TBC1D14: variants seen among roughly 807,000 people sequenced by gnomAD.
TBC1D14 encodes the protein TBC1 domain family member 14.
A neutral mutation model predicts 79.0 loss-of-function variants in TBC1D14; 26 were observed. The ratio of observed to expected loss-of-function variants is 0.33; its 90% CI spans 0.24 to 0.46. TBC1D14 has a LOEUF of 0.46. Among genes scored for constraint, TBC1D14 ranks in the 20% least tolerant of loss-of-function variants. The probability of loss-of-function intolerance (pLI) is 1.00; values close to 1 mark genes in which losing one functional copy is unlikely to be tolerated. For missense variants in TBC1D14, 769 were observed against 887.6 expected (o/e 0.87, Z 1.70); for synonymous variants, 394 against 349.9 (o/e 1.13, Z -1.40).
At chr4:6,966,524 T>A (rs746216234) in intron 2 of TBC1D14, among the ~76,000 whole-genome samples, 2 of 152,238 alleles carry the variant, frequency 1.3e-5, no homozygotes, top group Non-Finnish European at 2.9e-5. Context: ...AGGGGTTACG[T>A]ACTAAAGCAG....
intron 2 of TBC1D14, among the ~76,000 whole-genome samples, chr4:6,929,738 G>A (rs956840348): frequency 6.6e-6 from 1 of 152,232 alleles, no homozygotes; most frequent in Non-Finnish European, 1.5e-5. Flanking sequence ...AGTCTGCACA[G>A]GAGCGGATGG....
chr4:6,996,494 T>C (rs1719055733), intron 5 of TBC1D14, 87 bp downstream of exon 5: 16 of 1,019,156 alleles, frequency 1.6e-5, no homozygotes, highest in Non-Finnish European at 2.2e-5. Context: ...TTTGGAGTCA[T>C]AGAACCTGAA....
rs752462974 is a variant in TBC1D14, at chr4:6,967,300, A to G, written c.723-4A>G. ...GCCCTAACCTTGTTATTTTCTTCCTATAGGAACTTGCTTGCTAGAAAACAA... is the reference window on the plus strand; with the variant it reads ...GCCCTAACCTTGTTATTTTCTTCCTGTAGGAACTTGCTTGCTAGAAAACAA... On this transcript the variant is annotated splice_polypyrimidine_tract_variant and splice_region_variant and intron_variant, in intron 2 of 13. Transcript: ENST00000409757. The G allele has an allele frequency of 1.7e-5, 27 of 1,613,232 alleles. No homozygotes were observed. The highest frequency in any genetic ancestry group is 7.7e-5 in the South Asian group (7 of 91,066).
chr4:7,014,549 A>C lies in TBC1D14; in HGVS notation c.1749A>C (p.Leu583=), dbSNP rs763720988. Residue 583 remains leucine (L), a synonymous_variant, in exon 12 of 14, where the codon CTA becomes CTC. Coordinates refer to ENST00000409757, the MANE Select transcript of TBC1D14 (RefSeq NM_020773.3). ...ACAACCTAACTCCAGATATCTACCT[A>C]ATTGATTGGTAAGACTGGCTTTTCC... is the stretch of plus-strand genomic sequence containing the variant. ...KKNNLTPDIY[L]IDWIFTLYSK... 1 of 1,608,156 alleles carries C rather than the reference A, an allele frequency of 6.2e-7. No homozygotes were observed.
Position 7,031,474 on chromosome 4 carries a change from A to G in TBC1D14, c.*1082A>G, listed in dbSNP as rs898121366. The stretch of plus-strand genomic sequence containing the variant: ...GCCTAGACAATCTCGTCAGATGCTC[A>G]TACTGGACCATCAGCCTCCCCATTT... On this transcript the variant is annotated 3_prime_UTR_variant, in exon 14 of 14. Coordinates refer to ENST00000409757, the MANE Select transcript of TBC1D14 (RefSeq NM_020773.3). 3 of 152,286 alleles carry G rather than the reference A, an allele frequency of 2.0e-5. No homozygotes were observed. The highest frequency in any genetic ancestry group is 7.2e-5 in the African/African-American group (3 of 41,470). The allele number at this position is 152,286 out of a possible 1,614,324, so 9.4% of individuals were successfully genotyped here. A position where few individuals can be genotyped will look rare whatever the true frequency, so the allele number is the denominator to read the frequency against.
chr4:6,945,475 G>A (rs368468938), intron 2 of TBC1D14, among the ~76,000 whole-genome samples: 3 of 152,198 alleles, frequency 2.0e-5, no homozygotes, highest in Non-Finnish European at 2.9e-5. Context: ...ATAGCTGGTC[G>A]TGGTGGCTCA....
intron 12 of TBC1D14, 127 bp from the exon 13 acceptor site, chr4:7,024,877 C>A: frequency 7.8e-7 from 1 of 1,282,594 alleles, no homozygotes; most frequent in Non-Finnish European, 1.1e-6. Context: ...GCAGGCCTGG[C>A]CCTGGCCCCA....
At chr4:7,001,991 T>A (rs1719721686) in intron 7 of TBC1D14, among the ~76,000 whole-genome samples, 1 of 151,880 alleles carries the variant, frequency 6.6e-6, no homozygotes, top group African/African-American at 2.4e-5. Context: ...TGCTGGGGAG[T>A]TGATGATGTG....
At chr4:7,020,950 T>C (rs1721770838) in intron 12 of TBC1D14, among the ~76,000 whole-genome samples, 1 of 152,198 alleles carries the variant, frequency 6.6e-6, no homozygotes, top group African/African-American at 2.4e-5. Context: ...AGGATTCAGA[T>C]GAACAGTCCC....
At chr4:7,013,712 G>A (rs1721003047) in intron 11 of TBC1D14, among the ~76,000 whole-genome samples, 2 of 151,702 alleles carry the variant, frequency 1.3e-5, no homozygotes, top group East Asian at 3.9e-4. Flanking sequence ...AGTGCCAGGG[G>A]TTGGACGAGG....
At chr4:6,964,654 C>A (rs116488503) in intron 2 of TBC1D14, among the ~76,000 whole-genome samples, 4 of 152,098 alleles carry the variant, frequency 2.6e-5, no homozygotes, top group Non-Finnish European at 4.4e-5. Flanking sequence ...CTTGCTCTGT[C>A]GCCCAGGCTG....
chr4:6,960,081 C>CTTT (rs10623660), intron 2 of TBC1D14, among the ~76,000 whole-genome samples: 3,457 of 131,282 alleles, frequency 0.026, 109 homozygotes, highest in Non-Finnish European at 0.036. Context: ...CCCTGTGCCC[C>CTTT]TTTTTTTTTT....
At chr4:6,918,749 T>C (rs1723601704) in intron 1 of TBC1D14, among the ~76,000 whole-genome samples, 1 of 152,194 alleles carries the variant, frequency 6.6e-6, no homozygotes, top group Admixed American at 6.5e-5. Flanking sequence ...GGAGTGTTGA[T>C]GATGTTTTGA....
At chr4:7,017,372 C>G (rs1280044582) in intron 12 of TBC1D14, among the ~76,000 whole-genome samples, 1 of 152,130 alleles carries the variant, frequency 6.6e-6, no homozygotes, top group African/African-American at 2.4e-5. Flanking sequence ...CTGATGCCAG[C>G]CAAATGCAGA....
chr4:6,991,018 G>C (rs1718433570), intron 3 of TBC1D14, among the ~76,000 whole-genome samples: 1 of 152,190 alleles, frequency 6.6e-6, no homozygotes, highest in South Asian at 2.1e-4. Context: ...GGTTGCCCTG[G>C]GAGAACCGGG....
intron 12 of TBC1D14, among the ~76,000 whole-genome samples, chr4:7,020,752 G>C (rs1159328725): frequency 6.6e-6 from 1 of 152,144 alleles, no homozygotes; most frequent in Non-Finnish European, 1.5e-5. Flanking sequence ...CCAGTCTGGA[G>C]TGCAGTGGTG....
chr4:7,025,878 C>A (rs1354036117), intron 13 of TBC1D14, among the ~76,000 whole-genome samples: 3 of 152,214 alleles, frequency 2.0e-5, no homozygotes, highest in Admixed American at 6.5e-5. Flanking sequence ...TGGGATTGAC[C>A]TGCATTTCCT....
chr4:6,930,721 C>G (rs1352945971), intron 2 of TBC1D14, among the ~76,000 whole-genome samples: 1 of 151,116 alleles, frequency 6.6e-6, no homozygotes, highest in Non-Finnish European at 1.5e-5. Context: ...TGGCTTGAAT[C>G]TGAGAGGTAG....
intron 1 of TBC1D14, among the ~76,000 whole-genome samples, chr4:6,922,844 C>G (rs539206704): frequency 6.6e-6 from 1 of 152,210 alleles, no homozygotes; most frequent in South Asian, 2.1e-4. Flanking sequence ...ATTTTTACTT[C>G]GGGTGCATCC....
Sources: gnomAD v4.1 joint callset for allele counts (sites outside exome capture counted in the v4.1 genomes callset) on GRCh38, gnomAD v4.1.1 for gene constraint, MANE v1.5 for transcripts, NCBI Gene and HGNC (gene_info 2026-07-23, HGNC 2026-07-21) for gene names.